Variants in SYT12 observed in about 807,000 individuals in gnomAD.
SYT12 encodes the protein synaptotagmin 12, also known as synaptotagmin-12.
In SYT12, 27 loss-of-function variants were observed where a neutral mutation model predicts 39.5. The ratio of observed to expected loss-of-function variants is 0.68; its 90% CI spans 0.50 to 0.94. SYT12 has a LOEUF of 0.94. SYT12 is among the 40% of genes least tolerant of loss of function. The pLI is 0.00. For synonymous variants in SYT12, 233 were observed against 239.7 expected (o/e 0.97, Z 0.26); for missense variants, 536 against 572.6 (o/e 0.94, Z 0.65).
chr11:67,023,744 G>A (rs373633410), intron 1 of SYT12, among the ~76,000 whole-genome samples: 21 of 152,260 alleles, frequency 1.4e-4, no homozygotes, highest in African/African-American at 5.1e-4. Flanking sequence ...CCGCGCCCAC[G>A]CTGCACACAC....
intron 2 of SYT12, among the ~76,000 whole-genome samples, chr11:67,034,269 C>G (rs761010997): frequency 1.8e-4 from 28 of 152,178 alleles, no homozygotes; most frequent in Non-Finnish European, 2.9e-4. Flanking sequence ...TTTGCCTTTT[C>G]TGGATATTAT....
rs149603315 is a variant in SYT12, at chr11:67,041,231, G to C, written c.621+1028G>C. Among the ~76,000 whole-genome samples, 320 of 151,802 alleles carry C rather than the reference G, an allele frequency of 2.1e-3. 1 individual carries two copies. The highest frequency in any genetic ancestry group is 7.2e-3 in the African/African-American group (299 of 41,378). On this transcript the variant is annotated intron_variant, in intron 4 of 7. Coordinates refer to ENST00000527043, the MANE Select transcript of SYT12 (RefSeq NM_177963.4). The stretch of plus-strand genomic sequence containing the variant: ...CTCACACCTGTAATCCCAGCCCTTT[G>C]GAGGCTGAGGCAGGTGGATCACCTG...
At chr11:67,011,869 A>G (rs151020578) in intron 3 of SYT12, among the ~76,000 whole-genome samples, 5,577 of 151,580 alleles carry the variant, frequency 0.037, 325 homozygotes, top group African/African-American at 0.13. Context: ...GGGTTCAAGC[A>G]ATTCTCCCAT....
chr11:67,019,335 G>A (rs371617974), upstream of SYT12, among the ~76,000 whole-genome samples: 21 of 152,230 alleles, frequency 1.4e-4, no homozygotes, highest in African/African-American at 5.1e-4. Context: ...AGCCGGGCGT[G>A]TTGGCGCATG....
intron 6 of SYT12, among the ~76,000 whole-genome samples, chr11:67,045,124 C>T (rs561392248): frequency 5.3e-5 from 8 of 152,124 alleles, no homozygotes; most frequent in Admixed American, 2.6e-4. Flanking sequence ...ACCAGGGCCA[C>T]GGGGTTGGGG....
intron 3 of SYT12, among the ~76,000 whole-genome samples, chr11:67,011,191 T>G (rs1950010830): frequency 2.6e-5 from 4 of 152,184 alleles, no homozygotes. Context: ...GATCCCCATC[T>G]CTAACAAAAT....
chr11:67,029,140 G>A (rs1396733896), intron 1 of SYT12: 1 of 152,148 alleles, frequency 6.6e-6, no homozygotes, highest in Admixed American at 6.5e-5. Flanking sequence ...ATAAAACAAT[G>A]AGCAGTCACC....
In SYT12 at chr11:67,030,122, T is replaced by A; in HGVS notation, c.-23T>A. ...CCTCTCACTCTCTTTTCCCTTCCAGTCACAGTCACTGCAGCAGACATCATG... is the reference window on the plus strand; with the variant it reads ...CCTCTCACTCTCTTTTCCCTTCCAGACACAGTCACTGCAGCAGACATCATG... On this transcript the variant is annotated splice_region_variant and 5_prime_UTR_variant, in exon 2 of 8. Coordinates refer to ENST00000527043, the MANE Select transcript of SYT12 (RefSeq NM_177963.4). The A allele has an allele frequency of 6.2e-7, 1 of 1,613,690 alleles. No individual in the cohort carries two copies. The highest frequency in any genetic ancestry group is 1.1e-5 in the South Asian group (1 of 91,020).
chr11:67,015,658 A>T (rs542631699), intron 3 of SYT12, among the ~76,000 whole-genome samples: 79 of 152,368 alleles, frequency 5.2e-4, no homozygotes, highest in African/African-American at 1.9e-3. Context: ...AGTTAGAAAC[A>T]GCATCGCCTT....
chr11:67,043,934 C>A, intron 5 of SYT12, 81 bp downstream of exon 5: 1 of 1,283,896 alleles, frequency 7.8e-7, no homozygotes, highest in Non-Finnish European at 1.1e-6. Context: ...TCATCCTCAT[C>A]ATCCTCTGCA....
intron 4 of SYT12, among the ~76,000 whole-genome samples, 189 bp downstream of exon 4, chr11:67,040,392 C>T (rs1024503808): frequency 1.3e-5 from 2 of 152,136 alleles, no homozygotes; most frequent in South Asian, 4.2e-4. Context: ...GGGGGCTCCA[C>T]CTGAAGGCTC....
At chr11:67,023,664 C>A (rs1319713605) in intron 1 of SYT12, among the ~76,000 whole-genome samples, 1 of 152,224 alleles carries the variant, frequency 6.6e-6, no homozygotes, top group Admixed American at 6.5e-5. Flanking sequence ...GGCCACTCCG[C>A]GCAGTGCGCA....
At chr11:67,046,480 C>T (rs1039100369) in intron 7 of SYT12, among the ~76,000 whole-genome samples, 12 of 152,196 alleles carry the variant, frequency 7.9e-5, no homozygotes, top group African/African-American at 2.7e-4. Context: ...TCCTTTGTGC[C>T]TTGAGCCAAA....
At chr11:67,035,837 C>CCTTCCTTTCTTTCTTTCTTTCTTT (rs1412426648) in intron 3 of SYT12, among the ~76,000 whole-genome samples, 1 of 111,144 alleles carries the variant, frequency 9.0e-6, no homozygotes, top group Non-Finnish European at 1.7e-5. Context: ...TTCCTTCCTT[C>CCTTCCTTTCTTTCTTTCTTTCTTT]CTTTCTTTCT....
intron 1 of SYT12, among the ~76,000 whole-genome samples, chr11:67,023,746 T>C (rs1365930572): frequency 6.6e-6 from 1 of 152,206 alleles, no homozygotes. Flanking sequence ...GCGCCCACGC[T>C]GCACACACGC....
chr11:67,007,753 G>A (rs1346466450), intron 1 of SYT12, among the ~76,000 whole-genome samples: 3 of 150,724 alleles, frequency 2.0e-5, no homozygotes, highest in African/African-American at 4.9e-5. Context: ...TAGTAGAGAC[G>A]GGGTTTCCCT....
intron 3 of SYT12, among the ~76,000 whole-genome samples, chr11:67,036,772 C>CT (rs1206429931): frequency 1.3e-5 from 1 of 79,112 alleles, no homozygotes; most frequent in Admixed American, 1.5e-4. Context: ...CCTGTCTCTA[C>CT]TAAAAAAAAT....
Position 67,030,106 on chromosome 11 carries a change from C to G in SYT12, c.-23-16C>G, listed in dbSNP as rs1591361769. On this transcript the variant is annotated splice_polypyrimidine_tract_variant and intron_variant, in intron 1 of 7. Coordinates refer to ENST00000527043, the MANE Select transcript of SYT12 (RefSeq NM_177963.4). Reference sequence around the variant, plus strand: ...CTCTCTGCAGCCCTCTCCTCTCACTCTCTTTTCCCTTCCAGTCACAGTCAC... The same window carrying G: ...CTCTCTGCAGCCCTCTCCTCTCACTGTCTTTTCCCTTCCAGTCACAGTCAC... 1 of 1,612,848 alleles carries G rather than the reference C, an allele frequency of 6.2e-7. No homozygotes were observed. Among genetic ancestry groups the G allele is most frequent in the Non-Finnish European group, 8.5e-7 (1 of 1,179,748 alleles).
chr11:67,043,744 A>G lies in SYT12; in HGVS notation c.728A>G (p.Asp243Gly). ...KSLRFSVFGI[D>G]EDERNVSTGV... ...CTGCGGTTTTCTGTATTTGGCATCG[A>G]TGAGGATGAGCGCAACGTCAGCACG... is the stretch of plus-strand genomic sequence containing the variant. The change falls in exon 5 of 8, where the codon GAT (aspartate) becomes GGT (glycine). Residue 243 changes from aspartate (D) to glycine (G), a missense_variant. Physicochemically the swap from Asp to Gly is moderately conservative, Grantham distance 94. Coordinates refer to ENST00000527043, the MANE Select transcript of SYT12 (RefSeq NM_177963.4). 1 of 1,614,128 alleles carries G rather than the reference A, an allele frequency of 6.2e-7. No individual in the cohort carries two copies. The highest frequency in any genetic ancestry group is 8.5e-7 in the Non-Finnish European group (1 of 1,180,024).
Sources: allele counts gnomAD v4.1 joint callset (sites outside exome capture counted in the v4.1 genomes callset), GRCh38; gene constraint gnomAD v4.1.1; transcripts MANE v1.5; gene names NCBI Gene and HGNC (gene_info 2026-07-23, HGNC 2026-07-21).